PPP2R2B: variants seen among roughly 807,000 people sequenced by gnomAD.
The protein encoded by PPP2R2B is protein phosphatase 2 regulatory subunit Bbeta, also known as serine/threonine-protein phosphatase 2A 55 kDa regulatory subunit B beta isoform.
A neutral mutation model predicts 46.0 loss-of-function variants in PPP2R2B; 5 were observed. That is an observed-to-expected ratio of 0.11 (90% CI 0.06 to 0.23). The LOEUF (loss-of-function observed/expected upper bound fraction) is 0.23, where lower values mean the gene tolerates loss of function less well. Ranked by LOEUF, PPP2R2B falls within the 10% of genes least tolerant of loss-of-function variation. The probability of loss-of-function intolerance (pLI) is 1.00; values close to 1 mark genes in which losing one functional copy is unlikely to be tolerated. For missense variants in PPP2R2B, 367 were observed against 575.0 expected, an observed-to-expected ratio of 0.64 and a Z score of 3.70; for synonymous variants, 215 against 206.7, an observed-to-expected ratio of 1.04 and a Z score of -0.34.
At chr5:146,794,946 G>A (rs1756431954) in intron 2 of PPP2R2B, among the ~76,000 whole-genome samples, 1 of 152,124 alleles carries the variant, frequency 6.6e-6, no homozygotes, top group African/African-American at 2.4e-5. Flanking sequence ...GAATAGTGGT[G>A]TCTTCCTCCT....
chr5:146,615,502 TAAAAAAAAAAATTAAA>T (rs1307381877), intron 7 of PPP2R2B, among the ~76,000 whole-genome samples: 1 of 44,932 alleles, frequency 2.2e-5, no homozygotes, highest in Non-Finnish European at 5.2e-5. Flanking sequence ...TAGAGTATAA[TAAAAAAAAAAATTAAA>T]AAAAAAAAAA....
chr5:146,987,632 A>C (rs552769164), intron 1 of PPP2R2B, among the ~76,000 whole-genome samples: 1 of 152,102 alleles, frequency 6.6e-6, no homozygotes, highest in African/African-American at 2.4e-5. Flanking sequence ...ATAATGGATA[A>C]ACTAAAAATA....
intron 2 of PPP2R2B, among the ~76,000 whole-genome samples, chr5:146,848,140 T>C (rs1443848151): frequency 1.2e-5 from 1 of 82,808 alleles, no homozygotes; most frequent in Non-Finnish European, 2.2e-5. Context: ...TATTCTTTAG[T>C]TTTTTTTATC....
chr5:146,827,451 C>G (rs867425927), intron 2 of PPP2R2B, among the ~76,000 whole-genome samples: 1 of 151,858 alleles, frequency 6.6e-6, no homozygotes, highest in South Asian at 2.1e-4. Flanking sequence ...TTCAAAATGT[C>G]TTATGTAAAG....
At position 146,587,061 on chromosome 5, in the gene PPP2R2B, G is replaced by T. The variant is rs924870656; in HGVS notation, c.*2886C>A. On this transcript the variant is annotated 3_prime_UTR_variant, in exon 10 of 10. Coordinates refer to ENST00000394411, the MANE Select transcript of PPP2R2B (RefSeq NM_181675.4). The stretch of plus-strand genomic sequence containing the variant: ...GCTCTTACCAAGCAGCAGGCCTTGT[G>T]GGGTAAAGTAGTATAGGGCCCTTAG... The T allele has an allele frequency of 6.6e-6, 1 of 152,162 alleles. No individual in the cohort carries two copies. The highest frequency in any genetic ancestry group is 1.5e-5 in the Non-Finnish European group (1 of 68,026). The allele number at this position is 152,162 out of a possible 1,614,324, so 9.4% of individuals were successfully genotyped here.
At chr5:147,034,363 TTTA>T (rs1308941420) in intron 1 of PPP2R2B, among the ~76,000 whole-genome samples, 17 of 152,306 alleles carry the variant, frequency 1.1e-4, no homozygotes, top group Admixed American at 5.9e-4. Context: ...TATTTTTCCT[TTTA>T]TTGTCTGTTT....
intron 2 of PPP2R2B, among the ~76,000 whole-genome samples, chr5:146,794,730 C>T (rs1387351021): frequency 6.6e-6 from 1 of 152,126 alleles, no homozygotes; most frequent in Non-Finnish European, 1.5e-5. Context: ...GTTTGCACAT[C>T]CTATTGCTTT....
intron 6 of PPP2R2B, among the ~76,000 whole-genome samples, chr5:146,642,829 C>T (rs1343030747): frequency 6.6e-6 from 1 of 152,140 alleles, no homozygotes; most frequent in Non-Finnish European, 1.5e-5. Flanking sequence ...GTCCAAGATG[C>T]GTGGATCATT....
At chr5:146,684,666 G>A (rs894061289) in intron 5 of PPP2R2B, among the ~76,000 whole-genome samples, 19 of 152,174 alleles carry the variant, frequency 1.2e-4, no homozygotes, top group Admixed American at 2.0e-4. Context: ...CAGATGCATC[G>A]TGGAAACTCC....
chr5:146,815,905 C>T (rs191211237), intron 2 of PPP2R2B, among the ~76,000 whole-genome samples: 5 of 152,292 alleles, frequency 3.3e-5, no homozygotes, highest in Admixed American at 6.5e-5. Flanking sequence ...TGCTCCTAGT[C>T]GTGCCCTTTG....
At chr5:146,958,120 C>T (rs1751998736) in intron 1 of PPP2R2B, among the ~76,000 whole-genome samples, 1 of 152,014 alleles carries the variant, frequency 6.6e-6, no homozygotes, top group Admixed American at 6.6e-5. Context: ...ATCCAGTGTT[C>T]CTCAGATACA....
chr5:146,590,248 C>G (rs77255155), intron 9 of PPP2R2B, 22 bp from the exon 10 acceptor site: 114 of 1,539,490 alleles, frequency 7.4e-5, no homozygotes, highest in African/African-American at 2.2e-4. Flanking sequence ...AGAGCAAAGG[C>G]AATGACATAT....
Position 146,893,938 on chromosome 5 carries a change from C to T in PPP2R2B, c.79+161727G>A, listed in dbSNP as rs150744140. ...ATGGGTACCTCTAATTCCAGCTACT[C>T]GGGAGGCTGAGGCATGAGAATTGCT... On this transcript the variant is annotated intron_variant, in intron 1 of 8. Coordinates refer to the PPP2R2B transcript ENST00000336640. Among the ~76,000 whole-genome samples, 1,289 of 150,462 alleles carry T rather than the reference C, an allele frequency of 8.6e-3. 19 individuals carry two copies. The highest frequency in any genetic ancestry group is 0.029 in the African/African-American group (1,195 of 40,900).
intron 5 of PPP2R2B, among the ~76,000 whole-genome samples, chr5:146,687,050 A>T (rs1262006539): frequency 1.4e-5 from 2 of 142,374 alleles, no homozygotes; most frequent in East Asian, 4.3e-4. Context: ...TGGCAGGGAC[A>T]GTGGTAGCGG....
Position 146,585,740 on chromosome 5 carries a change from C to A in PPP2R2B, c.*4207G>T, listed in dbSNP as rs1770126070. 6.6e-6 allele frequency: 1 copy of A among 152,188 alleles called. No individual in the cohort carries two copies. The highest frequency in any genetic ancestry group is 1.5e-5 in the Non-Finnish European group (1 of 68,048). The allele number at this position is 152,188 out of a possible 1,614,324, so 9.4% of individuals were successfully genotyped here. A position where few individuals can be genotyped will look rare whatever the true frequency, so the allele number is the denominator to read the frequency against. Reference sequence around the variant, plus strand: ...GCATGGAAAGCAATAGTATATTACCCATCACTGTTGTTGCTATTATTAGTT... The same window carrying A: ...GCATGGAAAGCAATAGTATATTACCAATCACTGTTGTTGCTATTATTAGTT... On this transcript the variant is annotated 3_prime_UTR_variant, in exon 10 of 10. Transcript: ENST00000394411.
At chr5:146,776,059 G>A (rs1016933625) in intron 2 of PPP2R2B, among the ~76,000 whole-genome samples, 1 of 152,034 alleles carries the variant, frequency 6.6e-6, no homozygotes, top group Admixed American at 6.5e-5. Context: ...CCCCAATGTG[G>A]TATATCTGTT....
At chr5:146,603,342 T>C (rs530135237) in intron 7 of PPP2R2B, among the ~76,000 whole-genome samples, 74 of 152,354 alleles carry the variant, frequency 4.9e-4, no homozygotes, top group African/African-American at 1.6e-3. Context: ...TTATAATGTT[T>C]AAATTGACAA....
intron 2 of PPP2R2B, among the ~76,000 whole-genome samples, chr5:146,734,050 A>T (rs1752392300): frequency 7.0e-6 from 1 of 142,572 alleles, no homozygotes; most frequent in Admixed American, 6.9e-5. Context: ...AGATAAAATG[A>T]GTTAGGTTTT....
intron 6 of PPP2R2B, among the ~76,000 whole-genome samples, chr5:146,643,119 G>A: frequency 6.6e-6 from 1 of 151,956 alleles, no homozygotes; most frequent in Admixed American, 6.6e-5. Flanking sequence ...TTTGGGTAAG[G>A]AAAGTTAGGT....
Sources: gnomAD v4.1 joint callset for allele counts (sites outside exome capture counted in the v4.1 genomes callset) on GRCh38, gnomAD v4.1.1 for gene constraint, MANE v1.5 for transcripts, NCBI Gene and HGNC (gene_info 2026-07-23, HGNC 2026-07-21) for gene names.